INPP4B: variants seen among roughly 807,000 people sequenced by gnomAD.
INPP4B encodes inositol polyphosphate-4-phosphatase type II B.
A neutral mutation model predicts 122.5 loss-of-function variants in INPP4B; 55 were observed. The observed-to-expected ratio is 0.45, with a 90% CI of 0.36 to 0.56. INPP4B has a LOEUF of 0.56. Ranked by LOEUF, INPP4B falls within the 20% of genes least tolerant of loss-of-function variation. INPP4B has a pLI of 0.00. For missense variants in INPP4B, 1,000 were observed against 1,097.7 expected (o/e 0.91, Z 1.26); for synonymous variants, 403 against 388.7 (o/e 1.04, Z -0.43).
intron 2 of INPP4B, among the ~76,000 whole-genome samples, chr4:142,675,379 T>C (rs1366673810): frequency 6.6e-6 from 1 of 151,914 alleles, no homozygotes; most frequent in Non-Finnish European, 1.5e-5. Flanking sequence ...TCAAAAAAAG[T>C]CCAGGACCAG....
chr4:142,308,197 T>C (rs770787060), intron 8 of INPP4B, among the ~76,000 whole-genome samples: 9 of 152,140 alleles, frequency 5.9e-5, no homozygotes, highest in Non-Finnish European at 1.3e-4. Context: ...GGTTTATCCA[T>C]TATAACTGTC....
At chr4:142,489,199 T>C (rs910369108) in intron 2 of INPP4B, among the ~76,000 whole-genome samples, 2 of 152,182 alleles carry the variant, frequency 1.3e-5, no homozygotes, top group African/African-American at 2.4e-5. Context: ...TTAAATCTAC[T>C]GGACAGTAGC....
intron 14 of INPP4B, among the ~76,000 whole-genome samples, chr4:142,197,954 A>C (rs569820879): frequency 1.3e-5 from 2 of 152,230 alleles, no homozygotes; most frequent in South Asian, 4.1e-4. Context: ...CATCTTAGTC[A>C]CGCTTAGATT....
chr4:142,809,097 T>A (rs955828278), intron 1 of INPP4B, among the ~76,000 whole-genome samples: 3 of 152,096 alleles, frequency 2.0e-5, no homozygotes, highest in Admixed American at 2.0e-4. Context: ...TGTTTTGGAA[T>A]CAAGCACATG....
At chr4:142,451,365 C>T (rs1014386433) in intron 3 of INPP4B, among the ~76,000 whole-genome samples, 1 of 151,358 alleles carries the variant, frequency 6.6e-6, no homozygotes, top group Admixed American at 6.6e-5. Context: ...ATTCTCCTGC[C>T]TCAGCCTCCT....
intron 2 of INPP4B, among the ~76,000 whole-genome samples, chr4:142,584,500 AG>A (rs1735750217): frequency 6.6e-6 from 1 of 152,136 alleles, no homozygotes; most frequent in Non-Finnish European, 1.5e-5. Context: ...GACAAGTTTT[AG>A]GACTGGTCAA....
chr4:142,038,391 A>C (rs1745280208), intron 25 of INPP4B, among the ~76,000 whole-genome samples: 1 of 152,164 alleles, frequency 6.6e-6, no homozygotes, highest in South Asian at 2.1e-4. Context: ...TAAATCAGGA[A>C]ATTACTCAAA....
chr4:142,214,055 T>C (rs1846020571), intron 12 of INPP4B, among the ~76,000 whole-genome samples: 1 of 152,162 alleles, frequency 6.6e-6, no homozygotes, highest in Admixed American at 6.5e-5. Context: ...AATTTATCAC[T>C]CTTATGTAAC....
intron 1 of INPP4B, among the ~76,000 whole-genome samples, chr4:142,759,752 G>C (rs1180851951): frequency 1.4e-5 from 2 of 140,652 alleles, no homozygotes; most frequent in Non-Finnish European, 3.0e-5. Flanking sequence ...GAAGTTAAGT[G>C]ATGTGTCCGA....
At chr4:142,179,220 C>G (rs1038430832) in intron 15 of INPP4B, among the ~76,000 whole-genome samples, 6 of 152,082 alleles carry the variant, frequency 3.9e-5, no homozygotes, top group Non-Finnish European at 7.4e-5. Flanking sequence ...CACCTGTAGT[C>G]CCAGCATTTT....
chr4:142,369,042 T>A (rs1179051025), intron 7 of INPP4B, among the ~76,000 whole-genome samples: 1 of 151,832 alleles, frequency 6.6e-6, no homozygotes, highest in Non-Finnish European at 1.5e-5. Context: ...GAGGAAGGGT[T>A]CAAAAAATGA....
At chr4:142,086,922 T>C (rs1777137109) in intron 23 of INPP4B, among the ~76,000 whole-genome samples, 1 of 152,138 alleles carries the variant, frequency 6.6e-6, no homozygotes, top group Non-Finnish European at 1.5e-5. Context: ...TGCCATTGAG[T>C]AGCTAGTCTG....
chr4:142,704,527 T>G (rs2150770961), intron 2 of INPP4B, among the ~76,000 whole-genome samples: 1 of 152,258 alleles, frequency 6.6e-6, no homozygotes, highest in East Asian at 1.9e-4. Context: ...CCACAAAACT[T>G]ACACATTCAC....
chr4:142,131,336 C>T (rs1363579102), intron 18 of INPP4B, among the ~76,000 whole-genome samples: 1 of 152,142 alleles, frequency 6.6e-6, no homozygotes, highest in Non-Finnish European at 1.5e-5. Flanking sequence ...TGACTGAATC[C>T]TTATCAGAGT....
At chr4:142,746,195 G>T (rs1488495670) in intron 1 of INPP4B, among the ~76,000 whole-genome samples, 1 of 151,824 alleles carries the variant, frequency 6.6e-6, no homozygotes, top group Non-Finnish European at 1.5e-5. Context: ...ACACTAACCA[G>T]AAAATAAACC....
intron 25 of INPP4B, 114 bp downstream of exon 25, chr4:142,081,917 G>T: frequency 4.8e-6 from 3 of 624,266 alleles, no homozygotes; most frequent in Non-Finnish European, 7.6e-6. Context: ...CCATGAAAAT[G>T]CAGTAAAGTT....
chr4:142,631,053 AT>A (rs1486070247), intron 2 of INPP4B, among the ~76,000 whole-genome samples: 1 of 152,100 alleles, frequency 6.6e-6, no homozygotes, highest in Admixed American at 6.6e-5. Context: ...AAAAAATACT[AT>A]TTTACCATAT....
chr4:142,095,179 C>G (rs1781294562), intron 23 of INPP4B, among the ~76,000 whole-genome samples: 1 of 152,094 alleles, frequency 6.6e-6, no homozygotes, highest in South Asian at 2.1e-4. Flanking sequence ...GAGTTTCACT[C>G]TATCTGACAT....
intron 1 of INPP4B, among the ~76,000 whole-genome samples, chr4:142,837,659 A>G (rs190448111): frequency 2.1e-4 from 32 of 152,284 alleles, no homozygotes; most frequent in South Asian, 1.0e-3. Context: ...CCAATTAACA[A>G]ACTTTAAAAA....
Sources: allele counts gnomAD v4.1 joint callset (sites outside exome capture counted in the v4.1 genomes callset), GRCh38; gene constraint gnomAD v4.1.1; transcripts MANE v1.5; gene names NCBI Gene and HGNC (gene_info 2026-07-23, HGNC 2026-07-21).